The following CASZ1 variants were observed in gnomAD, a reference collection of about 807,000 sequenced individuals.
CASZ1 encodes the protein zinc finger protein castor homolog 1.
CASZ1 carries 28 observed loss-of-function variants against 135.2 expected under a neutral mutation model. The ratio of observed to expected loss-of-function variants is 0.21; its 90% confidence interval spans 0.15 to 0.28. CASZ1 has a LOEUF of 0.28. Among genes scored for constraint, CASZ1 ranks in the 10% least tolerant of loss-of-function variants. The pLI, the probability that CASZ1 is intolerant of heterozygous loss-of-function variation, is 1.00. For synonymous variants in CASZ1, 1,068 were observed against 1,073.4 expected, an observed-to-expected ratio of 0.99 and a Z score of 0.10; for missense variants, 2,161 against 2,453.3, an observed-to-expected ratio of 0.88 and a Z score of 2.52.
At chr1:10,772,963 C>T (rs1640601594) in intron 1 of CASZ1, among the ~76,000 whole-genome samples, 1 of 152,024 alleles carries the variant, frequency 6.6e-6, no homozygotes, top group Non-Finnish European at 1.5e-5. Flanking sequence ...GATGGGGGCT[C>T]CCGAAGGCTC....
Position 10,659,817 on chromosome 1 carries a change from C to T in CASZ1, c.1225G>A (p.Ala409Thr), listed in dbSNP as rs768356279. The change falls in exon 6 of 21, where the codon GCC (alanine) becomes ACC (threonine). Residue 409 changes from alanine (A) to threonine (T), a missense_variant. Ala to Thr is a moderately conservative substitution (Grantham distance 58). Coordinates refer to ENST00000377022, the MANE Select transcript of CASZ1 (RefSeq NM_001079843.3). ...PLASVPSAPSAPGPGPEPPAS... is the reference protein window; with the variant it reads ...PLASVPSAPSTPGPGPEPPAS... The stretch of plus-strand genomic sequence containing the variant: ...GGAGGCTCTGGCCCTGGCCCGGGGG[C>T]GCTGGGGGCACTGGGCACGCTGGCG... The T allele has an allele frequency of 1.5e-5, 24 of 1,612,640 alleles. No individual in the cohort carries two copies. The highest frequency in any genetic ancestry group is 6.7e-5 in the East Asian group (3 of 44,830).
At position 10,665,440 on chromosome 1, in the gene CASZ1, C is replaced by T. The variant is rs368046410; in HGVS notation, c.148G>A (p.Ala50Thr). 2.0e-5 allele frequency: 33 copies of T among 1,611,436 alleles called. No individual in the cohort carries two copies. In the African/African-American group the frequency reaches 3.3e-4, roughly 16 times the overall value. ...GGGCTGCCCTCCGTGTGGGAGCCGGCGTCAGCTCGCTTCTCCACCACCACC... is the reference window on the plus strand; with the variant it reads ...GGGCTGCCCTCCGTGTGGGAGCCGGTGTCAGCTCGCTTCTCCACCACCACC... Reference protein sequence around the residue: ...RQVVVEKRADAGSHTEGSPSQ... With the variant: ...RQVVVEKRADTGSHTEGSPSQ... The change falls in exon 5 of 21, where the codon GCC becomes ACC. Residue 50 changes from alanine to threonine, a missense_variant. Coordinates refer to ENST00000377022, the MANE Select transcript of CASZ1 (RefSeq NM_001079843.3).
At chr1:10,723,853 C>T (rs1639548723) in intron 2 of CASZ1, among the ~76,000 whole-genome samples, 1 of 152,204 alleles carries the variant, frequency 6.6e-6, no homozygotes, top group Non-Finnish European at 1.5e-5. Context: ...CTTCAGTCCA[C>T]CCGTCTCAGG....
intron 4 of CASZ1, among the ~76,000 whole-genome samples, chr1:10,683,436 A>G (rs2100368205): frequency 6.6e-6 from 1 of 152,300 alleles, no homozygotes; most frequent in Non-Finnish European, 1.5e-5. Context: ...AGGCAGCCCC[A>G]TCACCTCTAG....
chr1:10,640,349 T>C (rs1396001728), intron 20 of CASZ1, among the ~76,000 whole-genome samples: 4 of 152,236 alleles, frequency 2.6e-5, no homozygotes, highest in Admixed American at 2.6e-4. Flanking sequence ...GGCTGCTTCC[T>C]GGCCAGTTTG....
rs750287178 is a variant in CASZ1 at position 10,660,157 on chromosome 1, C to T, written c.885G>A (p.Pro295=). The stretch of plus-strand genomic sequence containing the variant: ...TCTGCATCTGGACACTGCTGTGCGA[C>T]GGCAGGGGCAGGATGGTGGCCTTGG... ...LETKATILPL[P]SHSSVQMQNL... is the part of the protein sequence containing the mutation. Residue 295 remains proline (P), a synonymous_variant, in exon 6 of 21, where the codon CCG becomes CCA. Coordinates refer to ENST00000377022, the MANE Select transcript of CASZ1 (RefSeq NM_001079843.3). 1.7e-4 allele frequency: 272 copies of T among 1,613,918 alleles called. No homozygotes were observed. The highest frequency in any genetic ancestry group is 5.7e-4 in the Admixed American group (34 of 60,010).
chr1:10,714,301 C>G (rs1333225532), intron 2 of CASZ1, among the ~76,000 whole-genome samples: 1 of 151,772 alleles, frequency 6.6e-6, no homozygotes, highest in East Asian at 1.9e-4. Flanking sequence ...GAACAAGACT[C>G]CATCTCAAAG....
At chr1:10,742,355 T>G (rs116194396) in intron 2 of CASZ1, among the ~76,000 whole-genome samples, 1 of 152,136 alleles carries the variant, frequency 6.6e-6, no homozygotes, top group Admixed American at 6.5e-5. Flanking sequence ...AGTTATTTTG[T>G]TTTTCCTCTA....
Position 10,762,773 on chromosome 1 carries a change from C to A in CASZ1, c.-233-1916G>T, listed in dbSNP as rs897582021. Among the ~76,000 whole-genome samples, 7 of 152,178 alleles carry A rather than the reference C, an allele frequency of 4.6e-5. No homozygotes were observed. In the South Asian group the frequency reaches 1.2e-3, roughly 27 times the overall value. Reference sequence around the variant, plus strand: ...GGTTAAGGGAAACACATCTACCTCCCCAACTCCAGGCAAGGCGCTGGCAAG... The same window carrying A: ...GGTTAAGGGAAACACATCTACCTCCACAACTCCAGGCAAGGCGCTGGCAAG... On this transcript the variant is annotated intron_variant, in intron 1 of 20. Transcript: ENST00000377022. The surrounding 1 kb of genome is among the most constrained non-coding windows in gnomAD (Gnocchi z 4.1).
Position 10,791,061 on chromosome 1 carries a change from C to T in CASZ1, c.-234+5503G>A, listed in dbSNP as rs183770066. The stretch of plus-strand genomic sequence containing the variant: ...TGTGCCATCTATATAATTTTACATC[C>T]GAAGAGACCCTCTTCCCATCAAAAA... On this transcript the variant is annotated intron_variant, in intron 1 of 20. Coordinates refer to ENST00000377022, the MANE Select transcript of CASZ1 (RefSeq NM_001079843.3). Among the ~76,000 whole-genome samples, 542 of 147,456 alleles carry T rather than the reference C, an allele frequency of 3.7e-3. 2 individuals are homozygous for T. Among genetic ancestry groups the T allele is most frequent in the African/African-American group, 0.011 (442 of 39,178 alleles).
chr1:10,684,362 G>A (rs1409110440), intron 4 of CASZ1, among the ~76,000 whole-genome samples: 2 of 152,196 alleles, frequency 1.3e-5, no homozygotes, highest in Non-Finnish European at 2.9e-5. Flanking sequence ...TGGAGGGGGC[G>A]GGGAGCGGGG....
At chr1:10,661,657 C>G (rs1334640631) in intron 5 of CASZ1, among the ~76,000 whole-genome samples, 2 of 150,778 alleles carry the variant, frequency 1.3e-5, no homozygotes, top group East Asian at 2.0e-4. Context: ...CACACACGGT[C>G]ACATTCACAC....
chr1:10,785,054 T>G (rs5772425), intron 1 of CASZ1, among the ~76,000 whole-genome samples: 18 of 10,742 alleles, frequency 1.7e-3, no homozygotes, highest in Non-Finnish European at 5.0e-3. Context: ...TTGCTTTCTT[T>G]CTGTCTCTCT....
chr1:10,670,817 T>C (rs963409611), intron 4 of CASZ1, among the ~76,000 whole-genome samples: 27 of 152,108 alleles, frequency 1.8e-4, no homozygotes, highest in Admixed American at 1.7e-3. Flanking sequence ...TCCTTCCCCA[T>C]CCTTCAGCTG....
At chr1:10,640,632 T>C (rs1642172304) in intron 20 of CASZ1, among the ~76,000 whole-genome samples, 1 of 152,188 alleles carries the variant, frequency 6.6e-6, no homozygotes, top group Admixed American at 6.5e-5. Flanking sequence ...TTGTCCTTGG[T>C]ACCAGAAGGT....
At chr1:10,740,215 G>A (rs1639888467) in intron 2 of CASZ1, among the ~76,000 whole-genome samples, 2 of 152,238 alleles carry the variant, frequency 1.3e-5, no homozygotes, top group Admixed American at 1.3e-4. Context: ...TCTCACAGTG[G>A]CTCAGTGTCG....
At position 10,639,259 on chromosome 1, in the gene CASZ1, C is replaced by T. The variant is rs1230486106; in HGVS notation, c.4963G>A (p.Ala1655Thr). ...GCGCCCTCGCGCGGCCCGGGGGCGG[C>T]GGCGTCGGGCGGGCCGGGGTCGCCC... is the stretch of plus-strand genomic sequence containing the variant. ...DAGDPGPPDAAAPGPREGAAA... is the reference protein window; with the variant it reads ...DAGDPGPPDATAPGPREGAAA... Residue 1655 changes from alanine to threonine, a missense_variant, in exon 21 of 21, where the codon GCC (alanine) becomes ACC (threonine). Physicochemically the swap from Ala to Thr is moderately conservative, Grantham distance 58 (BLOSUM62 0). Around this residue, in one of 7 missense-constraint regions of CASZ1, gnomAD observed 185 missense variants for 134.7 expected, o/e 1.37. Coordinates refer to ENST00000377022, the MANE Select transcript of CASZ1 (RefSeq NM_001079843.3). The surrounding 1 kb of genome is among the most constrained non-coding windows in gnomAD (Gnocchi z 4.0). The T allele has an allele frequency of 5.1e-6, 5 of 973,056 alleles. No individual in the cohort carries two copies. The African/African-American group carries it at 5.3e-5, about 10-fold the overall frequency. The allele number at this position is 973,056 out of a possible 1,614,324, so 60.3% of individuals were successfully genotyped here.
In CASZ1 at chr1:10,638,737, C is replaced by T. The variant is rs1319832849; in HGVS notation, c.*205G>A. On this transcript the variant is annotated 3_prime_UTR_variant, in exon 21 of 21. Coordinates refer to ENST00000377022, the MANE Select transcript of CASZ1 (RefSeq NM_001079843.3). This position sits in a 1 kb window ranked among gnomAD's most constrained non-coding sequence, Gnocchi z 5.9. ...CACCTTCTGTTTCCCTGAAGAGACC[C>T]GGCCTCCCTAGAGCAGGGCCACCGC... 6.6e-6 allele frequency: 2 copies of T among 302,458 alleles called. No individual in the cohort carries two copies. Among genetic ancestry groups the T allele is most frequent in the Admixed American group, 6.5e-5 (1 of 15,440 alleles). 18.7% of individuals were successfully genotyped at this position (302,458 alleles called of 1,614,324 possible).
intron 10 of CASZ1, 43 bp from the exon 11 acceptor site, chr1:10,654,261 C>G (rs1369330732): frequency 1.4e-5 from 22 of 1,589,944 alleles, no homozygotes; most frequent in Non-Finnish European, 1.9e-5. Flanking sequence ...CCAGAGGAGG[C>G]CCCACCCTGC....
Sources: gnomAD v4.1 joint callset for allele counts (sites outside exome capture counted in the v4.1 genomes callset) on GRCh38, gnomAD v4.1.1 for gene constraint, gnomAD v4.1.1 regional missense constraint, Gnocchi (gnomAD v3.1) non-coding constraint, MANE v1.5 for transcripts, NCBI Gene and HGNC (gene_info 2026-07-23, HGNC 2026-07-21) for gene names.